Variants in RALGPS2 observed in about 807,000 individuals in gnomAD.
RALGPS2 encodes ras-specific guanine nucleotide-releasing factor RalGPS2.
Under a neutral mutation model 86.8 loss-of-function variants are expected in RALGPS2, and 43 were observed. That is an observed-to-expected ratio of 0.50 (90% confidence interval 0.39 to 0.64). The LOEUF is 0.64. RALGPS2 is among the 30% of genes least tolerant of loss of function. The pLI, the probability that RALGPS2 is intolerant of heterozygous loss-of-function variation, is 0.00. For missense variants in RALGPS2, 536 were observed against 694.6 expected, an observed-to-expected ratio of 0.77 and a Z score of 2.57; for synonymous variants, 243 against 231.3, an observed-to-expected ratio of 1.05 and a Z score of -0.46.
chr1:178,852,319 A>C (rs945519751), intron 8 of RALGPS2, among the ~76,000 whole-genome samples: 1 of 152,132 alleles, frequency 6.6e-6, no homozygotes, highest in African/African-American at 2.4e-5. Flanking sequence ...GTAAGCTCCA[A>C]AGGGCGGGAA....
chr1:178,790,966 G>A (rs1653923352), intron 4 of RALGPS2, among the ~76,000 whole-genome samples: 1 of 152,142 alleles, frequency 6.6e-6, no homozygotes, highest in African/African-American at 2.4e-5. Context: ...CAGATATTAT[G>A]AAAAGATATT....
At chr1:178,739,516 C>G (rs1650904463) in intron 1 of RALGPS2, among the ~76,000 whole-genome samples, 1 of 152,168 alleles carries the variant, frequency 6.6e-6, no homozygotes, top group East Asian at 1.9e-4. Flanking sequence ...CAGCATGACT[C>G]AAGATGTGGC....
intron 1 of RALGPS2, chr1:178,746,589 G>A: frequency 1.4e-6 from 1 of 704,948 alleles, no homozygotes; most frequent in Non-Finnish European, 2.6e-6. Flanking sequence ...GGGTTAGCGA[G>A]CCTCACTTAA....
intron 13 of RALGPS2, among the ~76,000 whole-genome samples, chr1:178,888,431 C>CTTAA (rs1659581745): frequency 6.6e-6 from 1 of 152,062 alleles, no homozygotes; most frequent in Non-Finnish European, 1.5e-5. Flanking sequence ...GAACAATGGC[C>CTTAA]TTAAACATTT....
Position 178,853,745 on chromosome 1 carries a change from G to C in RALGPS2, c.607+20195G>C. The C allele has an allele frequency of 3.7e-6, 6 of 1,602,598 alleles. No individual in the cohort carries two copies. Among genetic ancestry groups the C allele is most frequent in the Non-Finnish European group, 5.1e-6 (6 of 1,175,174 alleles). ...TTTAATCATATAAATCCCACTGACC[G>C]AATGCCCAGCTTCTTTTGCTTGCTG... On this transcript the variant is annotated intron_variant, in intron 8 of 19. Coordinates refer to ENST00000367635, the MANE Select transcript of RALGPS2 (RefSeq NM_152663.5).
chr1:178,748,461 G>T (rs1651464006), intron 1 of RALGPS2, among the ~76,000 whole-genome samples: 1 of 152,164 alleles, frequency 6.6e-6, no homozygotes. Flanking sequence ...AACAAATTGT[G>T]ATGTGACTAT....
At chr1:178,750,052 A>G (rs1289537701) in intron 1 of RALGPS2, among the ~76,000 whole-genome samples, 1 of 152,184 alleles carries the variant, frequency 6.6e-6, no homozygotes, top group Non-Finnish European at 1.5e-5. Flanking sequence ...TTGAGGTTAC[A>G]GTGAGCCAGT....
intron 2 of RALGPS2, 52 bp from the exon 3 acceptor site, chr1:178,784,366 A>G: frequency 7.1e-7 from 1 of 1,410,874 alleles, no homozygotes; most frequent in Non-Finnish European, 9.8e-7. Flanking sequence ...AGTTTCTATC[A>G]CTTGATTGTG....
intron 1 of RALGPS2, among the ~76,000 whole-genome samples, chr1:178,748,290 A>T (rs866005779): frequency 9.2e-5 from 14 of 151,652 alleles, no homozygotes; most frequent in Middle Eastern, 6.8e-3. Context: ...ACTGCACTCC[A>T]GCCTGGGCAA....
At chr1:178,734,354 A>C (rs1164520458) in intron 1 of RALGPS2, among the ~76,000 whole-genome samples, 8 of 152,216 alleles carry the variant, frequency 5.3e-5, no homozygotes, top group African/African-American at 1.9e-4. Context: ...CCTCTCCTAG[A>C]ACAGCAGATA....
chr1:178,747,881 A>G, intron 1 of RALGPS2: 1 of 553,878 alleles, frequency 1.8e-6, no homozygotes, highest in Admixed American at 3.1e-5. Context: ...ATGGGAATTA[A>G]AATCAGTGAA....
chr1:178,784,446 A>C lies in RALGPS2; in HGVS notation c.86A>C (p.Asp29Ala). The change falls in exon 3 of 20, where the codon GAC becomes GCC. Residue 29 changes from aspartate (D) to alanine (A), a missense_variant. Physicochemically the swap from Asp to Ala is moderately radical, Grantham distance 126. Around this residue, in one of 3 missense-constraint regions of RALGPS2, gnomAD observed 43 missense variants for 34.9 expected, o/e 1.23. Coordinates refer to ENST00000367635, the MANE Select transcript of RALGPS2 (RefSeq NM_152663.5). ...AGTAGCAGCTCTGAATCCTTAAGTG[A>C]CAAAGGCTCTGAATTGAAGAAAAGC... ...EKSSSSESLS[D>A]KGSELKKSFD... 6.2e-7 allele frequency: 1 copy of C among 1,605,540 alleles called. No homozygotes were observed. Among genetic ancestry groups the C allele is most frequent in the Middle Eastern group, 1.7e-4 (1 of 6,022 alleles).
chr1:178,863,282 T>G (rs759194284), intron 8 of RALGPS2, among the ~76,000 whole-genome samples: 1 of 152,142 alleles, frequency 6.6e-6, no homozygotes, highest in South Asian at 2.1e-4. Flanking sequence ...GCCAAGCTTA[T>G]TTGGAAATGG....
chr1:178,788,993 G>A (rs951508339), intron 4 of RALGPS2, among the ~76,000 whole-genome samples: 22 of 150,732 alleles, frequency 1.5e-4, no homozygotes, highest in African/African-American at 4.4e-4. Context: ...TGCAACCTCC[G>A]CCTCCCGGGT....
chr1:178,886,511 C>T (rs1426981487), intron 13 of RALGPS2, among the ~76,000 whole-genome samples: 2 of 152,106 alleles, frequency 1.3e-5, no homozygotes, highest in Non-Finnish European at 2.9e-5. Flanking sequence ...GGCAGTGAAG[C>T]GTTTGTGAAT....
At chr1:178,836,247 CAA>C (rs1656267985) in intron 8 of RALGPS2, among the ~76,000 whole-genome samples, 1 of 152,234 alleles carries the variant, frequency 6.6e-6, no homozygotes, top group Non-Finnish European at 1.5e-5. Flanking sequence ...CGACCTGAAA[CAA>C]AGAGTAATCA....
chr1:178,834,809 G>A (rs552429751), intron 8 of RALGPS2, among the ~76,000 whole-genome samples: 229 of 152,242 alleles, frequency 1.5e-3, no homozygotes, highest in South Asian at 7.0e-3. Flanking sequence ...AGACAGCCTC[G>A]CTCTGTTTCC....
intron 8 of RALGPS2, among the ~76,000 whole-genome samples, chr1:178,871,523 C>CTTAT (rs28372846): frequency 0.64 from 96,894 of 151,526 alleles, 31,988 homozygotes; most frequent in African/African-American, 0.82. Context: ...AAACATTTTA[C>CTTAT]TAAGTTGCTA....
Position 178,727,560 on chromosome 1 carries a change from G to C in RALGPS2, c.-84+2141G>C, listed in dbSNP as rs191007235. ...AAGAATACAACAAATTTTCCTGAGA[G>C]AAAACATAACTGAAAAACTGGCTTT... On this transcript the variant is annotated intron_variant, in intron 1 of 19. Coordinates refer to ENST00000367635, the MANE Select transcript of RALGPS2 (RefSeq NM_152663.5). Among the ~76,000 whole-genome samples, 11 of 152,282 alleles carry C rather than the reference G, an allele frequency of 7.2e-5. No homozygotes were observed. The East Asian group carries it at 1.9e-3, about 27-fold the overall frequency.
Sources: allele counts gnomAD v4.1 joint callset (sites outside exome capture counted in the v4.1 genomes callset), GRCh38; gene constraint gnomAD v4.1.1; regional missense constraint gnomAD v4.1.1; transcripts MANE v1.5; gene names NCBI Gene and HGNC (gene_info 2026-07-23, HGNC 2026-07-21).